Variants in TPRG1 observed in about 807,000 individuals in gnomAD.
TPRG1 encodes the protein tumor protein p63 regulated 1, also known as tumor protein p63-regulated gene 1 protein.
TPRG1 carries 29 observed loss-of-function variants against 29.3 expected under a neutral mutation model. That is an observed-to-expected ratio of 0.99 (90% CI 0.74 to 1.35). The LOEUF is 1.35. Among genes scored for constraint, TPRG1 ranks in the 40% most tolerant of loss-of-function variants. TPRG1 has a pLI of 0.00. For synonymous variants in TPRG1, 130 were observed against 116.8 expected (o/e 1.11, Z -0.73); for missense variants, 327 against 335.0 (o/e 0.98, Z 0.19).
chr3:189,151,285 A>G (rs1165537457), intron 5 of TPRG1: 5 of 152,190 alleles, frequency 3.3e-5, no homozygotes, highest in Non-Finnish European at 7.3e-5. Flanking sequence ...AAGATACTGT[A>G]TTATTAGAAA....
intron 1 of TPRG1, among the ~76,000 whole-genome samples, chr3:189,124,734 A>G (rs1428003306): frequency 6.6e-6 from 1 of 152,202 alleles, no homozygotes; most frequent in Non-Finnish European, 1.5e-5. Context: ...TGCTAAAAAT[A>G]GTAATCTTTA....
chr3:189,286,764 T>C (rs1718127855), intron 4 of TPRG1, among the ~76,000 whole-genome samples: 1 of 152,014 alleles, frequency 6.6e-6, no homozygotes, highest in African/African-American at 2.4e-5. Flanking sequence ...AGTTCAGACA[T>C]AGGAAACCAT....
chr3:189,242,361 T>TTTTATAATTTGCGTA lies in TPRG1; in HGVS notation c.479+3457_479+3458insAATTTGCGTATTTAT, dbSNP rs145295931. On this transcript the variant is annotated intron_variant, in intron 4 of 5. Coordinates refer to ENST00000345063, the MANE Select transcript of TPRG1 (RefSeq NM_198485.4). ...AGTTATTCCCCATTTATTAATCGTTTTTTATTTATGCATATTTATTTTTTA... is the reference window on the plus strand; with the variant it reads ...AGTTATTCCCCATTTATTAATCGTTTTTTATAATTTGCGTATTTATTTATGCATATTTATTTTTTA... Among the ~76,000 whole-genome samples, 644 of 152,188 alleles carry TTTTATAATTTGCGTA rather than the reference T, an allele frequency of 4.2e-3. 5 individuals are homozygous for TTTTATAATTTGCGTA. Among genetic ancestry groups the TTTTATAATTTGCGTA allele is most frequent in the African/African-American group, 0.014 (594 of 41,534 alleles).
In TPRG1 at chr3:189,037,388, A is replaced by G. The variant is rs116420782; in HGVS notation, c.-463+13442A>G. Among the ~76,000 whole-genome samples, 634 of 152,064 alleles carry G rather than the reference A, an allele frequency of 4.2e-3. 6 individuals are homozygous for G. The highest frequency in any genetic ancestry group is 0.014 in the African/African-American group (562 of 41,574). On this transcript the variant is annotated intron_variant, in intron 4 of 10. Transcript: ENST00000433971. Reference sequence around the variant, plus strand: ...TAGTAATTTACTAAGGAAACAAATCATATGTTTAGCTCAATATAAGTAGAA... The same window carrying G: ...TAGTAATTTACTAAGGAAACAAATCGTATGTTTAGCTCAATATAAGTAGAA...
chr3:189,018,607 A>C (rs1309670996), intron 3 of TPRG1, among the ~76,000 whole-genome samples: 2 of 146,732 alleles, frequency 1.4e-5, no homozygotes, highest in East Asian at 4.0e-4. Flanking sequence ...TTTTGGTACC[A>C]GTACCATGCT....
At chr3:189,025,755 C>G (rs114093227) in intron 4 of TPRG1, among the ~76,000 whole-genome samples, 216 of 152,192 alleles carry the variant, frequency 1.4e-3, no homozygotes, top group African/African-American at 4.9e-3. Flanking sequence ...GGAATATTCT[C>G]TAGGGTATAA....
At chr3:189,113,816 C>T (rs1003264613) in intron 1 of TPRG1, among the ~76,000 whole-genome samples, 2 of 151,820 alleles carry the variant, frequency 1.3e-5, no homozygotes, top group Non-Finnish European at 2.9e-5. Flanking sequence ...ATACCTAATG[C>T]TAAATGACGA....
upstream of TPRG1, among the ~76,000 whole-genome samples, chr3:189,169,551 G>C (rs887979149): frequency 6.6e-6 from 1 of 152,210 alleles, no homozygotes; most frequent in African/African-American, 2.4e-5. Context: ...ATTATTCTGT[G>C]CTTCCCTGCT....
chr3:189,221,881 T>C (rs914236563), intron 3 of TPRG1, among the ~76,000 whole-genome samples: 3 of 152,188 alleles, frequency 2.0e-5, no homozygotes, highest in African/African-American at 7.2e-5. Context: ...GGGCAACCAC[T>C]TATTAAGGGT....
intron 4 of TPRG1, among the ~76,000 whole-genome samples, chr3:189,269,087 T>C (rs1714632002): frequency 6.6e-6 from 1 of 151,864 alleles, no homozygotes; most frequent in African/African-American, 2.4e-5. Flanking sequence ...GTTAACATCC[T>C]GAGGTTTTTT....
intron 1 of TPRG1, chr3:189,207,043 A>C: frequency 2.6e-6 from 1 of 391,412 alleles, no homozygotes; most frequent in Non-Finnish European, 3.5e-6. Context: ...TTTTCAACCA[A>C]AAATGCTATG....
chr3:189,148,759 C>T lies in TPRG1; in HGVS notation c.-227+1112C>T, dbSNP rs147389964. ...TATGAAAAACAAGTGTCGGTACACA[C>T]GCTTTTCAAACATTTGGAACTCTCT... On this transcript the variant is annotated intron_variant, in intron 4 of 6. Coordinates refer to the TPRG1 transcript ENST00000412373. Among the ~76,000 whole-genome samples the T allele has an allele frequency of 1.6e-4, 24 of 152,336 alleles. No individual in the cohort carries two copies. In the East Asian group the frequency reaches 4.2e-3, roughly 27 times the overall value.
intron 4 of TPRG1, among the ~76,000 whole-genome samples, chr3:189,271,342 G>C (rs146354265): frequency 7.7e-4 from 117 of 152,322 alleles, no homozygotes; most frequent in African/African-American, 2.7e-3. Flanking sequence ...GTCAGCACTA[G>C]TTGACTCCTG....
intron 4 of TPRG1, among the ~76,000 whole-genome samples, chr3:189,245,005 C>G (rs536771722): frequency 3.2e-4 from 48 of 152,258 alleles, no homozygotes; most frequent in Non-Finnish European, 6.2e-4. Flanking sequence ...ACCGCAGCCT[C>G]CACCTCCGGA....
intron 4 of TPRG1, among the ~76,000 whole-genome samples, chr3:189,271,029 A>G (rs1715040360): frequency 6.6e-6 from 1 of 152,222 alleles, no homozygotes. Context: ...ACACAAACAC[A>G]CACACACTTT....
intron 3 of TPRG1, among the ~76,000 whole-genome samples, chr3:189,222,058 A>G (rs1396288229): frequency 6.6e-6 from 1 of 150,464 alleles, no homozygotes; most frequent in African/African-American, 2.5e-5. Flanking sequence ...TTCTTTGTTG[A>G]TTGTCTTTTG....
intron 1 of TPRG1, among the ~76,000 whole-genome samples, chr3:189,177,898 A>G (rs1729706696): frequency 6.6e-6 from 1 of 152,142 alleles, no homozygotes. Context: ...TTCTATTCGA[A>G]CCCAGAAGGG....
At chr3:189,122,251 A>G (rs879738543) in intron 1 of TPRG1, among the ~76,000 whole-genome samples, 4 of 152,208 alleles carry the variant, frequency 2.6e-5, no homozygotes, top group Admixed American at 6.5e-5. Flanking sequence ...GTAAAAGCCA[A>G]CACCAAATGT....
At chr3:189,299,634 T>C in intron 4 of TPRG1, among the ~76,000 whole-genome samples, 1 of 151,664 alleles carries the variant, frequency 6.6e-6, no homozygotes, top group Non-Finnish European at 1.5e-5. Flanking sequence ...GTATTTTTTT[T>C]TTTTTTTTTA....
Sources: allele counts gnomAD v4.1 joint callset (sites outside exome capture counted in the v4.1 genomes callset), GRCh38; gene constraint gnomAD v4.1.1; transcripts MANE v1.5; gene names NCBI Gene and HGNC (gene_info 2026-07-23, HGNC 2026-07-21).